Variants in NRG2 observed in about 807,000 individuals in gnomAD.
NRG2 encodes pro-neuregulin-2, membrane-bound isoform.
NRG2 carries 27 observed loss-of-function variants against 73.9 expected under a neutral mutation model. The ratio of observed to expected loss-of-function variants is 0.37; its 90% CI spans 0.27 to 0.50. NRG2 has a LOEUF of 0.50. Among genes scored for constraint, NRG2 ranks in the 20% least tolerant of loss-of-function variants. The probability of loss-of-function intolerance (pLI) is 0.96; values close to 1 mark genes in which losing one functional copy is unlikely to be tolerated. For missense variants in NRG2, 1,126 were observed against 1,210.1 expected, an observed-to-expected ratio of 0.93 and a Z score of 1.03; for synonymous variants, 532 against 541.0, an observed-to-expected ratio of 0.98 and a Z score of 0.23.
At chr5:140,026,193 G>A (rs1478312134) in intron 1 of NRG2, among the ~76,000 whole-genome samples, 1 of 152,242 alleles carries the variant, frequency 6.6e-6, no homozygotes, top group Non-Finnish European at 1.5e-5. Flanking sequence ...CAAAGAGTAA[G>A]TGTGAAAGAG....
Position 140,042,765 on chromosome 5 carries a change from G to T in NRG2, c.305C>A (p.Ser102Tyr). 6.5e-7 allele frequency: 1 copy of T among 1,546,836 alleles called. No individual in the cohort carries two copies. The change falls in exon 1 of 10, where the codon TCC becomes TAC. Residue 102 changes from serine (S) to tyrosine (Y), a missense_variant. This residue lies in a region of NRG2 where 539 missense variants were observed against 703.2 expected (regional missense o/e 0.77). Coordinates refer to ENST00000361474, the MANE Select transcript of NRG2 (RefSeq NM_004883.3). ...GAGCGACACACCGAAGAGCAGCATG[G>T]AGAAGCCGGGGGCCGGGTCGCGCCT... ...GMRRDPAPGF[S>Y]MLLFGVSLAC...
At position 139,897,179 on chromosome 5, in the gene NRG2, G is replaced by A. The variant is rs74334823; in HGVS notation, c.701-9668C>T. ...AGACATGCAAGCTGTGGGGTCAGACGGATGCCACTGTGCATTCTGGCTCTG... is the reference window on the plus strand; with the variant it reads ...AGACATGCAAGCTGTGGGGTCAGACAGATGCCACTGTGCATTCTGGCTCTG... On this transcript the variant is annotated intron_variant, in intron 1 of 9. Coordinates refer to ENST00000361474, the MANE Select transcript of NRG2 (RefSeq NM_004883.3). Among the ~76,000 whole-genome samples, 481 of 152,312 alleles carry A rather than the reference G, an allele frequency of 3.2e-3. 12 individuals carry two copies. In the East Asian group the frequency reaches 0.083, roughly 26 times the overall value.
intron 1 of NRG2, among the ~76,000 whole-genome samples, chr5:140,026,739 C>T (rs1760721242): frequency 6.6e-6 from 1 of 152,076 alleles, no homozygotes; most frequent in South Asian, 2.1e-4. Flanking sequence ...CGTCAATGTC[C>T]TCTATACAGA....
chr5:139,986,969 A>G (rs969075981), intron 1 of NRG2, among the ~76,000 whole-genome samples: 3 of 152,108 alleles, frequency 2.0e-5, no homozygotes, highest in Admixed American at 2.0e-4. Flanking sequence ...GAAATCCCCA[A>G]AGGCTCTTTA....
Position 139,848,312 on chromosome 5 carries a change from C to T in NRG2, c.2158G>A (p.Ala720Thr). Residue 720 changes from alanine to threonine, a missense_variant, in exon 10 of 10, where the codon GCG (alanine) becomes ACG (threonine). By Grantham distance (58) the Ala-to-Thr change is moderately conservative. This residue lies in a region of NRG2 where 402 missense variants were observed against 357.8 expected (regional missense o/e 1.12). Transcript: ENST00000361474. The stretch of plus-strand genomic sequence containing the variant: ...CGCGGCCGCGGCGGCGGCGGGGGCG[C>T]GCACTCCTGCGTGGTCTCGTACTCG... ...DDEYETTQEC[A>T]PPPPPRPRAR... The T allele has an allele frequency of 8.5e-7, 1 of 1,181,558 alleles. No individual in the cohort carries two copies. The highest frequency in any genetic ancestry group is 1.0e-6 in the Non-Finnish European group (1 of 956,664). 73.2% of individuals were successfully genotyped at this position (1,181,558 alleles called of 1,614,324 possible). A position where few individuals can be genotyped will look rare whatever the true frequency, so the allele number is the denominator to read the frequency against.
chr5:139,866,549 G>A (rs1381703707), intron 4 of NRG2, among the ~76,000 whole-genome samples: 2 of 152,172 alleles, frequency 1.3e-5, no homozygotes, highest in Non-Finnish European at 2.9e-5. Flanking sequence ...CAGGTAGCAA[G>A]GACCACAAAA....
chr5:139,939,264 T>C (rs57905763), intron 1 of NRG2, among the ~76,000 whole-genome samples: 12,311 of 132,292 alleles, frequency 0.093, 544 homozygotes, highest in South Asian at 0.15. Flanking sequence ...TTCTTTCTTT[T>C]TCTTTCTTTC....
intron 1 of NRG2, among the ~76,000 whole-genome samples, chr5:139,992,250 T>G (rs187638781): frequency 3.3e-5 from 5 of 152,230 alleles, no homozygotes; most frequent in Non-Finnish European, 5.9e-5. Flanking sequence ...TGGTACTATT[T>G]TAAATGCGTC....
intron 3 of NRG2, among the ~76,000 whole-genome samples, chr5:139,878,884 G>C: frequency 6.6e-6 from 1 of 152,174 alleles, no homozygotes; most frequent in East Asian, 1.9e-4. Context: ...AAAGACCTTG[G>C]AGCAGGTTAT....
At chr5:140,016,354 CG>C (rs1561754682) in intron 1 of NRG2, among the ~76,000 whole-genome samples, 1 of 152,206 alleles carries the variant, frequency 6.6e-6, no homozygotes, top group Non-Finnish European at 1.5e-5. Context: ...TTTAACTATA[CG>C]ATTCTAATAA....
rs543128971 is a variant in NRG2, at chr5:139,983,696, C to T, written c.700+58674G>A. ...GTCAGATGGGTTAAGGATTAGTCTC[C>T]CTATTTTAATAGGTGGGACTACAGA... On this transcript the variant is annotated intron_variant, in intron 1 of 9. Coordinates refer to ENST00000361474, the MANE Select transcript of NRG2 (RefSeq NM_004883.3). 2.0e-5 allele frequency among the ~76,000 whole-genome samples: 3 copies of T among 152,224 alleles called. No individual in the cohort carries two copies. In the East Asian group the frequency reaches 5.8e-4, roughly 29 times the overall value.
chr5:139,893,434 G>GT (rs763441918), intron 1 of NRG2, among the ~76,000 whole-genome samples: 77 of 152,294 alleles, frequency 5.1e-4, no homozygotes, highest in Middle Eastern at 3.4e-3. Flanking sequence ...CAGATGAGAG[G>GT]CATCTAGCAA....
At chr5:139,951,524 G>A (rs1754200115) in intron 1 of NRG2, among the ~76,000 whole-genome samples, 1 of 152,158 alleles carries the variant, frequency 6.6e-6, no homozygotes, top group Admixed American at 6.5e-5. Context: ...TCTGCTGGGG[G>A]CCCTTTGGAA....
chr5:139,860,627 G>T (rs1762092278), intron 5 of NRG2, among the ~76,000 whole-genome samples: 1 of 152,176 alleles, frequency 6.6e-6, no homozygotes, highest in African/African-American at 2.4e-5. Flanking sequence ...CTACCCAGAA[G>T]AGCAAACTGC....
At chr5:139,952,083 A>G (rs6882163) in intron 1 of NRG2, among the ~76,000 whole-genome samples, 1,850 of 152,358 alleles carry the variant, frequency 0.012, 30 homozygotes, top group African/African-American at 0.042. Context: ...CCTTGTGTGT[A>G]AAATAAAGAT....
At chr5:140,038,685 C>T (rs1761687420) in intron 1 of NRG2, among the ~76,000 whole-genome samples, 1 of 152,142 alleles carries the variant, frequency 6.6e-6, no homozygotes, top group African/African-American at 2.4e-5. Flanking sequence ...GTACGAAACG[C>T]GGCAGGGCAG....
chr5:139,873,060 C>G (rs1368309037), intron 3 of NRG2, among the ~76,000 whole-genome samples: 3 of 152,162 alleles, frequency 2.0e-5, no homozygotes, highest in Non-Finnish European at 2.9e-5. Flanking sequence ...GGAGGGCAGG[C>G]AGTCGGCACC....
chr5:139,881,392 A>G, intron 2 of NRG2, among the ~76,000 whole-genome samples: 1 of 152,172 alleles, frequency 6.6e-6, no homozygotes, highest in Non-Finnish European at 1.5e-5. Context: ...ACCTGTTCCC[A>G]GATACCCGGG....
At chr5:139,859,605 T>C (rs1348394969) in intron 5 of NRG2, among the ~76,000 whole-genome samples, 2 of 152,020 alleles carry the variant, frequency 1.3e-5, no homozygotes, top group Non-Finnish European at 2.9e-5. Context: ...GGCCCTCCCC[T>C]CTGAGCTCTC....
Sources: gnomAD v4.1 joint callset for allele counts (sites outside exome capture counted in the v4.1 genomes callset) on GRCh38, gnomAD v4.1.1 for gene constraint, gnomAD v4.1.1 regional missense constraint, MANE v1.5 for transcripts, NCBI Gene and HGNC (gene_info 2026-07-23, HGNC 2026-07-21) for gene names.